Variants in CSMD1 observed in about 807,000 individuals in gnomAD.
CSMD1 encodes the protein CUB and sushi domain-containing protein 1.
Under a neutral mutation model 417.5 loss-of-function variants are expected in CSMD1, and 213 were observed. That is an observed-to-expected ratio of 0.51 (90% CI 0.46 to 0.57). The LOEUF is 0.57. Ranked by LOEUF, CSMD1 falls within the 20% of genes least tolerant of loss-of-function variation. The pLI, the probability that CSMD1 is intolerant of heterozygous loss-of-function variation, is 0.00. For synonymous variants in CSMD1, 2,862 were observed against 1,736.8 expected, an observed-to-expected ratio of 1.65 and a Z score of -16.11; for missense variants, 6,923 against 4,529.7, an observed-to-expected ratio of 1.53 and a Z score of -15.17.
chr8:4,390,703 C>T (rs368314985), intron 3 of CSMD1, among the ~76,000 whole-genome samples: 3 of 151,572 alleles, frequency 2.0e-5, no homozygotes, highest in Non-Finnish European at 4.4e-5. Context: ...TCAGTAGAGA[C>T]GGGGTTTCAC....
At chr8:4,982,800 G>C (rs1041169273) in intron 1 of CSMD1, among the ~76,000 whole-genome samples, 3 of 152,130 alleles carry the variant, frequency 2.0e-5, no homozygotes, top group Non-Finnish European at 4.4e-5. Flanking sequence ...CAGTTCCGTA[G>C]ACGCCTCAGC....
chr8:3,371,055 G>C (rs1180360998), intron 18 of CSMD1, among the ~76,000 whole-genome samples: 2 of 151,980 alleles, frequency 1.3e-5, no homozygotes, highest in Admixed American at 1.3e-4. Context: ...CCTGACTTCA[G>C]AGCTCCTGGT....
intron 6 of CSMD1, among the ~76,000 whole-genome samples, chr8:3,745,279 T>C (rs1797012035): frequency 6.6e-6 from 1 of 152,168 alleles, no homozygotes; most frequent in Admixed American, 6.6e-5. Flanking sequence ...ATATGCCACC[T>C]TCACAACAGG....
intron 3 of CSMD1, among the ~76,000 whole-genome samples, chr8:4,294,470 C>G (rs1226533367): frequency 4.6e-5 from 7 of 152,114 alleles, no homozygotes; most frequent in African/African-American, 1.7e-4. Flanking sequence ...ATCTAAATCA[C>G]TGATCTCTGT....
chr8:3,359,038 A>T (rs1387344608), intron 21 of CSMD1, 114 bp downstream of exon 21: 12 of 927,778 alleles, frequency 1.3e-5, no homozygotes, highest in Non-Finnish European at 1.8e-5. Context: ...CCACACTTTC[A>T]CCCTCTCCTT....
chr8:4,954,773 C>A (rs903157859), intron 1 of CSMD1, among the ~76,000 whole-genome samples: 2 of 152,086 alleles, frequency 1.3e-5, no homozygotes, highest in East Asian at 1.9e-4. Flanking sequence ...TGCTATTACA[C>A]AGAATTACGG....
chr8:3,313,591 GCAAT>G (rs1156398978), intron 23 of CSMD1, among the ~76,000 whole-genome samples: 1 of 152,030 alleles, frequency 6.6e-6, no homozygotes, highest in Non-Finnish European at 1.5e-5. Context: ...AGAATGGCAA[GCAAT>G]CAATCATTAA....
chr8:4,900,887 A>G (rs543854868), intron 1 of CSMD1, among the ~76,000 whole-genome samples: 1 of 152,334 alleles, frequency 6.6e-6, no homozygotes, highest in East Asian at 1.9e-4. Flanking sequence ...CAGTCACCGT[A>G]AGGGCAGGTG....
intron 5 of CSMD1, among the ~76,000 whole-genome samples, chr8:3,831,759 C>G (rs138390184): frequency 2.6e-5 from 4 of 152,052 alleles, no homozygotes; most frequent in African/African-American, 9.7e-5. Flanking sequence ...ATGGGTAGCA[C>G]AACACATAGC....
chr8:3,020,356 T>G (rs1809260490), intron 51 of CSMD1, among the ~76,000 whole-genome samples: 1 of 152,174 alleles, frequency 6.6e-6, no homozygotes, highest in Non-Finnish European at 1.5e-5. Flanking sequence ...CATGTACCAC[T>G]AAAACCAGCC....
chr8:3,978,303 A>G (rs776722464), intron 5 of CSMD1, among the ~76,000 whole-genome samples: 1 of 152,156 alleles, frequency 6.6e-6, no homozygotes, highest in Non-Finnish European at 1.5e-5. Context: ...CAAACCCCAC[A>G]AAAACAACTG....
chr8:4,352,871 T>C (rs1801177643), intron 3 of CSMD1, among the ~76,000 whole-genome samples: 1 of 152,148 alleles, frequency 6.6e-6, no homozygotes, highest in African/African-American at 2.4e-5. Flanking sequence ...TTTGTATTGA[T>C]CGTCAGCCAT....
At chr8:3,574,754 C>T (rs555034125) in intron 10 of CSMD1, among the ~76,000 whole-genome samples, 191 bp downstream of exon 10, 1 of 152,338 alleles carries the variant, frequency 6.6e-6, no homozygotes, top group East Asian at 1.9e-4. Context: ...AGTGAGAATA[C>T]TCACTTTGCA....
At chr8:3,876,760 C>T (rs1469321626) in intron 5 of CSMD1, among the ~76,000 whole-genome samples, 1 of 152,080 alleles carries the variant, frequency 6.6e-6, no homozygotes, top group East Asian at 1.9e-4. Context: ...CAGGCATAGG[C>T]CACCAGGCAC....
chr8:4,296,979 T>C (rs1283103339), intron 3 of CSMD1, among the ~76,000 whole-genome samples: 4 of 151,936 alleles, frequency 2.6e-5, no homozygotes, highest in Non-Finnish European at 5.9e-5. Context: ...CAGATGACAA[T>C]AGTGCAAAGA....
At chr8:4,412,623 T>C (rs1796711012) in intron 3 of CSMD1, among the ~76,000 whole-genome samples, 2 of 152,176 alleles carry the variant, frequency 1.3e-5, no homozygotes, top group African/African-American at 4.8e-5. Context: ...GTTGCAATGG[T>C]CTATTCCAAC....
At chr8:4,465,664 G>A (rs141351896) in intron 2 of CSMD1, among the ~76,000 whole-genome samples, 1 of 152,168 alleles carries the variant, frequency 6.6e-6, no homozygotes, top group Admixed American at 6.5e-5. Flanking sequence ...GTACTGGAGA[G>A]ATGAAATTCA....
chr8:4,492,266 G>T (rs756072292), intron 2 of CSMD1, among the ~76,000 whole-genome samples: 1 of 152,032 alleles, frequency 6.6e-6, no homozygotes, highest in Non-Finnish European at 1.5e-5. Context: ...ACGATTTAAT[G>T]TTTTGTCTAC....
intron 3 of CSMD1, among the ~76,000 whole-genome samples, chr8:4,199,215 A>G (rs1009956976): frequency 6.9e-6 from 1 of 145,012 alleles, no homozygotes; most frequent in Non-Finnish European, 1.5e-5. Flanking sequence ...AATACCAAAT[A>G]TCCTCTTGAG....
Sources: allele counts gnomAD v4.1 joint callset (sites outside exome capture counted in the v4.1 genomes callset), GRCh38; gene constraint gnomAD v4.1.1; transcripts MANE v1.5; gene names NCBI Gene and HGNC (gene_info 2026-07-23, HGNC 2026-07-21).